DRC3: variants seen among roughly 807,000 people sequenced by gnomAD.
The protein encoded by DRC3 is dynein regulatory complex subunit 3.
A neutral mutation model predicts 57.6 loss-of-function variants in DRC3; 45 were observed. The observed-to-expected ratio is 0.78, with a 90% CI of 0.62 to 1.00. The LOEUF is 1.00. Ranked by LOEUF, DRC3 falls within the 50% of genes least tolerant of loss-of-function variation. The probability of loss-of-function intolerance (pLI) is 0.00; values close to 1 mark genes in which losing one functional copy is unlikely to be tolerated. For missense variants in DRC3, 655 were observed against 675.2 expected (o/e 0.97, Z 0.33); for synonymous variants, 257 against 272.3 (o/e 0.94, Z 0.55).
rs118165057 is a variant in DRC3 at position 17,999,102 on chromosome 17, C to T, written c.999+1468C>T. ...GTCAGCTAGCTGGCTCTTCCTGAGGCCTGGTGCAGGGACCCAGCCCCTCAG... is the reference window on the plus strand; with the variant it reads ...GTCAGCTAGCTGGCTCTTCCTGAGGTCTGGTGCAGGGACCCAGCCCCTCAG... On this transcript the variant is annotated intron_variant, in intron 9 of 13. Transcript: ENST00000399187. 2.2e-3 allele frequency among the ~76,000 whole-genome samples: 329 copies of T among 152,272 alleles called. 4 individuals are homozygous for T. The East Asian group carries it at 0.03, about 14-fold the overall frequency.
chr17:18,004,521 C>T (rs764428167), intron 10 of DRC3, 27 bp downstream of exon 10: 1 of 1,601,170 alleles, frequency 6.2e-7, no homozygotes, highest in Non-Finnish European at 8.5e-7. Context: ...GGCACAAGTG[C>T]CAGAATCTGG....
chr17:17,977,212 C>A (rs1290197681), intron 2 of DRC3, among the ~76,000 whole-genome samples: 1 of 152,218 alleles, frequency 6.6e-6, no homozygotes, highest in Non-Finnish European at 1.5e-5. Context: ...TTGGTACCCA[C>A]AAGCCCAAGT....
chr17:17,993,953 G>C (rs1446156522), intron 6 of DRC3: 4 of 276,352 alleles, frequency 1.4e-5, no homozygotes, highest in African/African-American at 2.2e-5. Context: ...TTGGGAGTGA[G>C]AGAGCAAGTC....
rs1054205378 is a variant in DRC3 at position 18,015,889 on chromosome 17, GTCACAGATGAAT to G, written c.1327-162_1327-151del. The G allele has an allele frequency of 9.6e-5, 64 of 668,764 alleles. No homozygotes were observed. The African/African-American group carries it at 1.0e-3, about 11-fold the overall frequency. 41.4% of individuals were successfully genotyped at this position (668,764 alleles called of 1,614,324 possible). On this transcript the variant is annotated intron_variant, in intron 12 of 13. Coordinates refer to ENST00000399187, the MANE Select transcript of DRC3 (RefSeq NM_031294.4). The stretch of plus-strand genomic sequence containing the variant: ...GCCCTGTGCAGTTGGGGAAGCGGCT[GTCACAGATGAAT>G]TCACAGATGAATCGGCAGAGTGCGC...
chr17:17,998,265 AG>A (rs2043545839), intron 9 of DRC3, among the ~76,000 whole-genome samples: 2 of 152,136 alleles, frequency 1.3e-5, no homozygotes, highest in African/African-American at 4.8e-5. Context: ...ATGGGGAGGA[AG>A]GGCGTTCCTC....
At chr17:17,987,087 T>C (rs1193110833) in intron 4 of DRC3, among the ~76,000 whole-genome samples, 1 of 151,826 alleles carries the variant, frequency 6.6e-6, no homozygotes, top group Non-Finnish European at 1.5e-5. Context: ...TGATGGCGTA[T>C]ACCTGTGGTC....
At position 17,997,724 on chromosome 17, in the gene DRC3, C is replaced by T. The variant is rs902825255; in HGVS notation, c.999+90C>T. 3.3e-6 allele frequency: 4 copies of T among 1,222,890 alleles called. No individual in the cohort carries two copies. The African/African-American group carries it at 6.2e-5, about 19-fold the overall frequency. The allele number at this position is 1,222,890 out of a possible 1,614,324, so 75.8% of individuals were successfully genotyped here. A position where few individuals can be genotyped will look rare whatever the true frequency, so the allele number is the denominator to read the frequency against. ...TCCCACTGTAGGGGGACTGCAACTC[C>T]TGTACCCTCTGATGACCCCTGAGGC... On this transcript the variant is annotated intron_variant, in intron 9 of 13. Transcript: ENST00000399187.
intron 10 of DRC3, chr17:18,004,817 G>A (rs1325505483): frequency 3.7e-6 from 1 of 269,234 alleles, no homozygotes; most frequent in African/African-American, 2.2e-5. Context: ...ACCCCCACTT[G>A]GGGACCAAAC....
intron 3 of DRC3, 151 bp from the exon 4 acceptor site, chr17:17,983,677 G>A (rs986605318): frequency 3.5e-6 from 2 of 564,138 alleles, no homozygotes; most frequent in African/African-American, 1.9e-5. Flanking sequence ...GTTCCTCGAT[G>A]CTCAGCCGAC....
chr17:17,997,469 C>A lies in DRC3; in HGVS notation c.834C>A (p.Asp278Glu). ...GVGELLETYK[D>E]KFVIICVNIF... Reference sequence around the variant, plus strand: ...CTTAACAGCCACTCACCTACAAGGACAAGTTTGTCATCATCTGCGTGAATA... The same window carrying A: ...CTTAACAGCCACTCACCTACAAGGAAAAGTTTGTCATCATCTGCGTGAATA... The change falls in exon 9 of 14, where the codon GAC (aspartate) becomes GAA (glutamate). Residue 278 changes from aspartate to glutamate, a missense_variant. Transcript: ENST00000399187. The A allele has an allele frequency of 1.2e-6, 2 of 1,613,078 alleles. No individual in the cohort carries two copies. Among genetic ancestry groups the A allele is most frequent in the Non-Finnish European group, 1.7e-6 (2 of 1,179,636 alleles).
At chr17:18,006,981 C>A in intron 11 of DRC3, 43 bp from the exon 12 acceptor site, 1 of 1,609,488 alleles carries the variant, frequency 6.2e-7, no homozygotes, top group South Asian at 1.1e-5. Context: ...AGGGACGCGC[C>A]GGGCCTGCTC....
chr17:18,001,488 G>A (rs1319654490), intron 9 of DRC3, among the ~76,000 whole-genome samples: 1 of 152,120 alleles, frequency 6.6e-6, no homozygotes, highest in Non-Finnish European at 1.5e-5. Flanking sequence ...GGGCAATAGA[G>A]TGAGAGTCTG....
chr17:18,007,579 G>C, intron 12 of DRC3: 2 of 1,471,622 alleles, frequency 1.4e-6, no homozygotes, highest in South Asian at 1.4e-5. Flanking sequence ...CATCCGGTTT[G>C]CACCAGCACA....
intron 3 of DRC3, 113 bp from the exon 4 acceptor site, chr17:17,983,715 G>A (rs2042823318): frequency 1.4e-6 from 1 of 702,142 alleles, no homozygotes; most frequent in East Asian, 2.6e-5. Context: ...GTACTCCAGG[G>A]CAGGGCAGAA....
intron 4 of DRC3, 44 bp from the exon 5 acceptor site, chr17:17,987,888 C>A: frequency 6.2e-7 from 1 of 1,602,674 alleles, no homozygotes; most frequent in South Asian, 1.1e-5. Context: ...CAGCCCATCC[C>A]CTGACCCAGG....
chr17:17,987,285 C>T (rs1198866176), intron 4 of DRC3, among the ~76,000 whole-genome samples: 1 of 149,228 alleles, frequency 6.7e-6, no homozygotes, highest in African/African-American at 2.5e-5. Context: ...TCAAAAGTCT[C>T]GGTTGGGGTT....
At chr17:17,976,444 C>T (rs1445292050) in intron 2 of DRC3, among the ~76,000 whole-genome samples, 3 of 152,188 alleles carry the variant, frequency 2.0e-5, no homozygotes, top group African/African-American at 4.8e-5. Flanking sequence ...CTTTGGGAAG[C>T]GGAGGCAGGT....
chr17:18,007,021 C>G lies in DRC3; in HGVS notation c.1203-3C>G, dbSNP rs1178325439. On this transcript the variant is annotated splice_region_variant and splice_polypyrimidine_tract_variant and intron_variant, in intron 11 of 13. Coordinates refer to ENST00000399187, the MANE Select transcript of DRC3 (RefSeq NM_031294.4). ...CGGGCCTTTGCTTAACTCGGGGCTGCACGATGGCTCAGTGCCGGGACCTGG... is the reference window on the plus strand; with the variant it reads ...CGGGCCTTTGCTTAACTCGGGGCTGGACGATGGCTCAGTGCCGGGACCTGG... The G allele has an allele frequency of 3.1e-6, 5 of 1,612,952 alleles. No individual in the cohort carries two copies. The highest frequency in any genetic ancestry group is 4.2e-6 in the Non-Finnish European group (5 of 1,179,444).
chr17:17,998,013 A>T (rs1347272321), intron 9 of DRC3, among the ~76,000 whole-genome samples: 2 of 152,172 alleles, frequency 1.3e-5, no homozygotes, highest in African/African-American at 4.8e-5. Flanking sequence ...TCATTCATTT[A>T]ATAGACATTT....
Sources: allele counts gnomAD v4.1 joint callset (sites outside exome capture counted in the v4.1 genomes callset), GRCh38; gene constraint gnomAD v4.1.1; transcripts MANE v1.5; gene names NCBI Gene and HGNC (gene_info 2026-07-23, HGNC 2026-07-21).